MAP4K4: variants seen among roughly 807,000 people sequenced by gnomAD.
The protein encoded by MAP4K4 is HPK/GCK-like kinase HGK.
In MAP4K4, 38 loss-of-function variants were observed where a neutral mutation model predicts 189.6. That is an observed-to-expected ratio of 0.20 (90% confidence interval 0.15 to 0.26). The LOEUF (loss-of-function observed/expected upper bound fraction) is 0.26, where lower values mean the gene tolerates loss of function less well. Among genes scored for constraint, MAP4K4 ranks in the 10% least tolerant of loss-of-function variants. The pLI, the probability that MAP4K4 is intolerant of heterozygous loss-of-function variation, is 1.00. For synonymous variants in MAP4K4, 610 were observed against 624.3 expected (o/e 0.98, Z 0.34); for missense variants, 1,054 against 1,726.9 (o/e 0.61, Z 6.91).
intron 20 of MAP4K4, 129 bp downstream of exon 20, chr2:101,867,438 A>C (rs2097849252): frequency 4.5e-6 from 3 of 664,918 alleles, no homozygotes; most frequent in Non-Finnish European, 5.2e-6. Context: ...AATTATAAGG[A>C]ATGACCTAAA....
intron 27 of MAP4K4, 62 bp downstream of exon 27, chr2:101,877,208 A>G (rs2098228179): frequency 1.3e-6 from 2 of 1,548,514 alleles, no homozygotes; most frequent in Non-Finnish European, 1.8e-6. Context: ...GTAGCTTTAC[A>G]CACTAAACTT....
intron 2 of MAP4K4, among the ~76,000 whole-genome samples, chr2:101,726,727 G>GT (rs962581485): frequency 6.6e-6 from 1 of 152,074 alleles, no homozygotes; most frequent in Non-Finnish European, 1.5e-5. Flanking sequence ...AGAGCAAAAT[G>GT]TTTTGTGGTT....
At chr2:101,797,528 C>T (rs1053104660) in intron 3 of MAP4K4, 4 of 599,202 alleles carry the variant, frequency 6.7e-6, no homozygotes, top group South Asian at 5.7e-5. Context: ...TAAATTTCCT[C>T]GTCTTGTATT....
At chr2:101,826,903 C>T (rs1576339068) in intron 5 of MAP4K4, among the ~76,000 whole-genome samples, 1 of 152,030 alleles carries the variant, frequency 6.6e-6, no homozygotes, top group Admixed American at 6.5e-5. Flanking sequence ...AACACCCACT[C>T]CCTGGCCATA....
chr2:101,825,461 C>T, intron 5 of MAP4K4, 32 bp downstream of exon 5: 1 of 1,395,160 alleles, frequency 7.2e-7, no homozygotes, highest in Non-Finnish European at 1.0e-6. Flanking sequence ...AGTGCTCCAA[C>T]TCATGATCCT....
At chr2:101,783,583 T>C (rs1281745164) in intron 2 of MAP4K4, among the ~76,000 whole-genome samples, 1 of 152,104 alleles carries the variant, frequency 6.6e-6, no homozygotes, top group South Asian at 2.1e-4. Flanking sequence ...ATGTCACAGG[T>C]GAAAGGCAGT....
chr2:101,854,995 C>T (rs80219187), intron 12 of MAP4K4, among the ~76,000 whole-genome samples: 1,622 of 152,298 alleles, frequency 0.011, 37 homozygotes, highest in African/African-American at 0.037. Flanking sequence ...CTAGTGACTA[C>T]GGAGCAGTGC....
At chr2:101,726,090 C>T (rs550548907) in intron 2 of MAP4K4, among the ~76,000 whole-genome samples, 1 of 152,336 alleles carries the variant, frequency 6.6e-6, no homozygotes, top group South Asian at 2.1e-4. Context: ...TGAATGTGGA[C>T]TTTGGCTTGG....
At chr2:101,725,079 A>T (rs751542502) in intron 2 of MAP4K4, among the ~76,000 whole-genome samples, 4 of 152,154 alleles carry the variant, frequency 2.6e-5, no homozygotes, top group Non-Finnish European at 5.9e-5. Context: ...CTGTGATGTG[A>T]TGTTTCTCAC....
At chr2:101,775,034 CTTTTTT>C (rs77977516) in intron 2 of MAP4K4, among the ~76,000 whole-genome samples, 5 of 129,046 alleles carry the variant, frequency 3.9e-5, no homozygotes, top group Admixed American at 1.6e-4. Context: ...CCTATCCCCT[CTTTTTT>C]TTTTTTTTTT....
At chr2:101,709,967 CA>C (rs1334336840) in intron 2 of MAP4K4, among the ~76,000 whole-genome samples, 1 of 152,086 alleles carries the variant, frequency 6.6e-6, no homozygotes, top group Non-Finnish European at 1.5e-5. Flanking sequence ...TCTTATACTG[CA>C]GAGCTTTCGT....
chr2:101,698,192 CG>C, intron 1 of MAP4K4, 55 bp downstream of exon 1: 1 of 890,666 alleles, frequency 1.1e-6, no homozygotes, highest in Non-Finnish European at 1.4e-6. Context: ...AGCCGGCAGC[CG>C]GGGCCGCGCC....
intron 3 of MAP4K4, among the ~76,000 whole-genome samples, chr2:101,793,762 G>T (rs541004172): frequency 4.2e-4 from 64 of 152,224 alleles, no homozygotes; most frequent in African/African-American, 1.3e-3. Context: ...TGAATGGTGT[G>T]GCTGCTCTTC....
intron 2 of MAP4K4, among the ~76,000 whole-genome samples, chr2:101,774,158 T>A (rs1196557032): frequency 6.6e-6 from 1 of 152,250 alleles, no homozygotes; most frequent in Non-Finnish European, 1.5e-5. Context: ...ATAGTAGTTG[T>A]ACTAGTTTAC....
intron 2 of MAP4K4, among the ~76,000 whole-genome samples, chr2:101,746,054 G>A (rs1041466153): frequency 6.6e-6 from 1 of 151,758 alleles, no homozygotes. Flanking sequence ...ACAGTGATGT[G>A]ATCATAACTC....
chr2:101,867,371 A>C, intron 20 of MAP4K4, 62 bp downstream of exon 20: 2 of 1,318,652 alleles, frequency 1.5e-6, no homozygotes, highest in Non-Finnish European at 1.1e-6. Flanking sequence ...TTCTATTAAA[A>C]ATATGTGGTT....
intron 4 of MAP4K4, among the ~76,000 whole-genome samples, 176 bp downstream of exon 4, chr2:101,824,229 G>C (rs991587095): frequency 1.3e-5 from 2 of 152,048 alleles, no homozygotes; most frequent in African/African-American, 4.8e-5. Flanking sequence ...ACTATATGCT[G>C]GTTGTTTATT....
At chr2:101,856,953 G>A (rs1013016752) in intron 13 of MAP4K4, among the ~76,000 whole-genome samples, 19 of 152,140 alleles carry the variant, frequency 1.2e-4, no homozygotes, top group African/African-American at 4.6e-4. Flanking sequence ...TCTAAGCTTG[G>A]GTCTGCATGC....
chr2:101,786,847 G>A (rs2091451985), intron 2 of MAP4K4, among the ~76,000 whole-genome samples: 2 of 152,184 alleles, frequency 1.3e-5, no homozygotes, highest in South Asian at 4.1e-4. Context: ...GATGTGAATA[G>A]TATTTGGGGG....
Sources: gnomAD v4.1 joint callset for allele counts (sites outside exome capture counted in the v4.1 genomes callset) on GRCh38, gnomAD v4.1.1 for gene constraint, MANE v1.5 for transcripts, NCBI Gene and HGNC (gene_info 2026-07-23, HGNC 2026-07-21) for gene names.